SPOCK1: variants seen among roughly 807,000 people sequenced by gnomAD.
SPOCK1 encodes the protein SPARC (osteonectin), cwcv and kazal like domains proteoglycan 1.
SPOCK1 carries 23 observed loss-of-function variants against 55.3 expected under a neutral mutation model. The ratio of observed to expected loss-of-function variants is 0.42; its 90% CI spans 0.30 to 0.59. SPOCK1 has a LOEUF of 0.59. Among genes scored for constraint, SPOCK1 ranks in the 20% least tolerant of loss-of-function variants. The pLI, the probability that SPOCK1 is intolerant of heterozygous loss-of-function variation, is 0.22. For missense variants in SPOCK1, 499 were observed against 552.5 expected (o/e 0.90, Z 0.97); for synonymous variants, 226 against 221.0 (o/e 1.02, Z -0.20).
At chr5:137,263,621 T>C (rs1352549385) in intron 3 of SPOCK1, among the ~76,000 whole-genome samples, 2 of 152,224 alleles carry the variant, frequency 1.3e-5, no homozygotes, top group Non-Finnish European at 2.9e-5. Flanking sequence ...GCACAGTGTC[T>C]TTCTTTGTGG....
At chr5:137,315,794 T>C (rs934878405) in intron 2 of SPOCK1, among the ~76,000 whole-genome samples, 4 of 152,198 alleles carry the variant, frequency 2.6e-5, no homozygotes, top group Non-Finnish European at 5.9e-5. Context: ...AGACAACTTA[T>C]CCGTCCCTCT....
intron 2 of SPOCK1, among the ~76,000 whole-genome samples, chr5:137,302,778 C>T (rs567507765): frequency 5.3e-5 from 8 of 152,136 alleles, no homozygotes; most frequent in Non-Finnish European, 7.4e-5. Context: ...CGAGGACTTC[C>T]GGACTCAACG....
chr5:137,200,985 T>C (rs1755415598), intron 3 of SPOCK1, among the ~76,000 whole-genome samples: 2 of 152,218 alleles, frequency 1.3e-5, no homozygotes, highest in Admixed American at 1.3e-4. Context: ...CACTCTGTTT[T>C]ACAACACAGC....
chr5:137,316,039 C>T (rs989023365), intron 2 of SPOCK1, among the ~76,000 whole-genome samples: 2 of 152,164 alleles, frequency 1.3e-5, no homozygotes, highest in African/African-American at 2.4e-5. Flanking sequence ...ATACCTGAGA[C>T]TTGGGTCATT....
At chr5:137,129,844 T>G (rs1454862996) in intron 4 of SPOCK1, among the ~76,000 whole-genome samples, 1 of 152,216 alleles carries the variant, frequency 6.6e-6, no homozygotes, top group Non-Finnish European at 1.5e-5. Context: ...GGCTGGTTAT[T>G]GTTTAGCTAC....
At chr5:137,410,510 C>G (rs773397529) in intron 2 of SPOCK1, among the ~76,000 whole-genome samples, 1 of 152,186 alleles carries the variant, frequency 6.6e-6, no homozygotes, top group Non-Finnish European at 1.5e-5. Context: ...GCATGGATCA[C>G]GGCTGTCAGG....
chr5:137,026,493 T>C (rs1345375425), intron 6 of SPOCK1, among the ~76,000 whole-genome samples: 1 of 152,176 alleles, frequency 6.6e-6, no homozygotes, highest in African/African-American at 2.4e-5. Flanking sequence ...AAGTGCAGCA[T>C]CAATTCTTCC....
intron 3 of SPOCK1, among the ~76,000 whole-genome samples, chr5:137,162,573 G>A (rs557352547): frequency 1.8e-4 from 28 of 152,160 alleles, no homozygotes; most frequent in Non-Finnish European, 3.8e-4. Flanking sequence ...GTGCAGAGGT[G>A]GGGGTGATGC....
intron 2 of SPOCK1, among the ~76,000 whole-genome samples, chr5:137,276,025 A>C (rs745531816): frequency 2.7e-4 from 41 of 152,116 alleles, no homozygotes; most frequent in Non-Finnish European, 4.6e-4. Context: ...TGACCTTCTA[A>C]AGGGATGTTC....
chr5:137,042,206 G>T (rs866415259), intron 6 of SPOCK1, among the ~76,000 whole-genome samples: 11 of 152,122 alleles, frequency 7.2e-5, no homozygotes, highest in African/African-American at 1.7e-4. Context: ...AGCATAAAAA[G>T]GCTATGTAAT....
intron 3 of SPOCK1, among the ~76,000 whole-genome samples, chr5:137,264,639 G>C (rs1010109311): frequency 6.6e-6 from 1 of 151,968 alleles, no homozygotes; most frequent in Admixed American, 6.6e-5. Flanking sequence ...TCTTTTTTCA[G>C]CTGAGGAGAG....
Position 137,138,766 on chromosome 5 carries a change from T to C in SPOCK1, c.347+1814A>G, listed in dbSNP as rs116349727. On this transcript the variant is annotated intron_variant, in intron 4 of 10. Coordinates refer to ENST00000394945, the MANE Select transcript of SPOCK1 (RefSeq NM_004598.4). ...CACTCCCCAATGAACTTGACTTTCC[T>C]TGAGGGTAGGAATAGGGTCTCTTGT... 4.1e-3 allele frequency among the ~76,000 whole-genome samples: 619 copies of C among 149,194 alleles called. 1 individual carries two copies. Among genetic ancestry groups the C allele is most frequent in the African/African-American group, 0.015 (607 of 40,936 alleles).
chr5:137,013,343 T>G (rs563440697), intron 6 of SPOCK1, among the ~76,000 whole-genome samples: 1 of 152,206 alleles, frequency 6.6e-6, no homozygotes, highest in Non-Finnish European at 1.5e-5. Flanking sequence ...CTCAGAGTCT[T>G]GAGTTTGTGG....
chr5:137,345,445 A>C (rs1229734), intron 2 of SPOCK1, among the ~76,000 whole-genome samples: 35,078 of 152,138 alleles, frequency 0.23, 3,994 homozygotes, highest in East Asian at 0.26. Context: ...AGAGATGGGC[A>C]TTACCTGGAT....
At chr5:137,026,855 G>A (rs2126983373) in intron 6 of SPOCK1, among the ~76,000 whole-genome samples, 1 of 152,252 alleles carries the variant, frequency 6.6e-6, no homozygotes, top group Non-Finnish European at 1.5e-5. Context: ...TCTAGGGTGA[G>A]TAATTTATTC....
chr5:137,117,269 A>G (rs1443876567), intron 4 of SPOCK1, among the ~76,000 whole-genome samples: 1 of 152,172 alleles, frequency 6.6e-6, no homozygotes, highest in African/African-American at 2.4e-5. Flanking sequence ...CTGGACAATT[A>G]TTTTCCATCT....
intron 6 of SPOCK1, among the ~76,000 whole-genome samples, chr5:137,007,329 A>G (rs1751266997): frequency 6.9e-6 from 1 of 145,776 alleles, no homozygotes; most frequent in African/African-American, 2.7e-5. Flanking sequence ...CTCAGCAAAG[A>G]AAAAAAAAAC....
chr5:137,317,453 G>T (rs1757898600), intron 2 of SPOCK1, among the ~76,000 whole-genome samples: 1 of 152,144 alleles, frequency 6.6e-6, no homozygotes, highest in Non-Finnish European at 1.5e-5. Flanking sequence ...AGAGGACATG[G>T]GCTTCAGCAG....
intron 2 of SPOCK1, among the ~76,000 whole-genome samples, chr5:137,402,574 A>C (rs12522089): frequency 0.018 from 2,701 of 152,324 alleles, 49 homozygotes; most frequent in East Asian, 0.081. Context: ...TTAATTACAC[A>C]TGACGGTGTG....
Sources: allele counts gnomAD v4.1 joint callset (sites outside exome capture counted in the v4.1 genomes callset), GRCh38; gene constraint gnomAD v4.1.1; transcripts MANE v1.5; gene names NCBI Gene and HGNC (gene_info 2026-07-23, HGNC 2026-07-21).